The following STPG2 variants were observed in gnomAD, a reference collection of about 807,000 sequenced individuals.
STPG2 encodes the protein sperm-tail PG-rich repeat-containing protein 2.
Under a neutral mutation model 54.2 loss-of-function variants are expected in STPG2, and 56 were observed. The observed-to-expected ratio is 1.03, with a 90% CI of 0.83 to 1.29. STPG2 has a LOEUF of 1.29. STPG2 is among the 50% of genes most tolerant of loss of function. The pLI, the probability that STPG2 is intolerant of heterozygous loss-of-function variation, is 0.00. For synonymous variants in STPG2, 200 were observed against 181.8 expected (o/e 1.10, Z -0.81); for missense variants, 596 against 544.9 (o/e 1.09, Z -0.93).
intron 7 of STPG2, among the ~76,000 whole-genome samples, chr4:97,949,258 A>G (rs1233897464): frequency 6.6e-6 from 1 of 152,012 alleles, no homozygotes; most frequent in Admixed American, 6.6e-5. Context: ...TTGGGTTTCC[A>G]TTTGCATGGA....
chr4:97,921,795 G>T (rs533911337), intron 8 of STPG2, among the ~76,000 whole-genome samples: 1 of 152,010 alleles, frequency 6.6e-6, no homozygotes, highest in African/African-American at 2.4e-5. Context: ...GTTCATCAAC[G>T]GATAAAGAAA....
At chr4:97,618,736 T>A (rs1041640953) in intron 10 of STPG2, among the ~76,000 whole-genome samples, 3 of 152,190 alleles carry the variant, frequency 2.0e-5, no homozygotes, top group Non-Finnish European at 4.4e-5. Context: ...CTTGCTAGGT[T>A]CAATTTGAGG....
intron 4 of STPG2, among the ~76,000 whole-genome samples, chr4:97,454,294 A>C (rs1013625175): frequency 4.6e-5 from 7 of 151,446 alleles, no homozygotes; most frequent in Non-Finnish European, 1.0e-4. Flanking sequence ...CGGGTGGATC[A>C]TGAGGTCAGG....
At chr4:97,637,207 T>C (rs1027280868) in intron 10 of STPG2, among the ~76,000 whole-genome samples, 19 of 152,122 alleles carry the variant, frequency 1.2e-4, no homozygotes, top group Admixed American at 4.6e-4. Context: ...TCAATAAATG[T>C]AATCCAGCAT....
chr4:98,092,925 T>G (rs17550735), intron 5 of STPG2, among the ~76,000 whole-genome samples: 60,091 of 151,892 alleles, frequency 0.4, 12,129 homozygotes, highest in Middle Eastern at 0.47. Flanking sequence ...TCAAATGAAC[T>G]TCAAGGCAAA....
At chr4:97,455,965 C>G (rs1729506622) in intron 4 of STPG2, among the ~76,000 whole-genome samples, 1 of 152,158 alleles carries the variant, frequency 6.6e-6, no homozygotes, top group Non-Finnish European at 1.5e-5. Context: ...GCGAGGGGAA[C>G]AAGGGAATGT....
At chr4:97,585,386 C>T (rs1316395380) in intron 10 of STPG2, among the ~76,000 whole-genome samples, 3 of 151,910 alleles carry the variant, frequency 2.0e-5, no homozygotes, top group African/African-American at 7.2e-5. Context: ...TTCCCTCATC[C>T]AGTGAGAAAC....
intron 10 of STPG2, among the ~76,000 whole-genome samples, chr4:97,580,920 CT>C (rs1242442052): frequency 1.3e-5 from 2 of 151,948 alleles, no homozygotes; most frequent in Non-Finnish European, 2.9e-5. Flanking sequence ...ATATGCGTTC[CT>C]TTGCATTTTC....
At chr4:98,026,116 A>T (rs1736411167) in intron 5 of STPG2, 2 of 1,462,464 alleles carry the variant, frequency 1.4e-6, no homozygotes, top group Non-Finnish European at 1.9e-6. Flanking sequence ...ATGCTGCTAT[A>T]CGAGAGAATC....
At chr4:98,132,030 T>C (rs1217602953) in intron 2 of STPG2, among the ~76,000 whole-genome samples, 1 of 152,112 alleles carries the variant, frequency 6.6e-6, no homozygotes, top group Non-Finnish European at 1.5e-5. Context: ...CCTATTTGTC[T>C]ACCTCCCATA....
intron 5 of STPG2, among the ~76,000 whole-genome samples, chr4:98,079,904 AC>A (rs1183578678): frequency 1.2e-4 from 18 of 152,134 alleles, no homozygotes; most frequent in Admixed American, 1.2e-3. Context: ...ACTTAGAGAT[AC>A]CAATCTATGA....
At chr4:97,951,478 T>G (rs1387646318) in intron 7 of STPG2, among the ~76,000 whole-genome samples, 1 of 152,182 alleles carries the variant, frequency 6.6e-6, no homozygotes, top group Non-Finnish European at 1.5e-5. Context: ...AAATTATGTT[T>G]TATTTGACTG....
chr4:97,467,774 C>T (rs1729824090), intron 4 of STPG2, among the ~76,000 whole-genome samples: 1 of 151,056 alleles, frequency 6.6e-6, no homozygotes, highest in South Asian at 2.1e-4. Flanking sequence ...AGGAACACTA[C>T]CAGGTACTCT....
intron 8 of STPG2, among the ~76,000 whole-genome samples, chr4:97,928,239 C>T (rs556076951): frequency 5.9e-5 from 9 of 152,250 alleles, no homozygotes; most frequent in African/African-American, 1.9e-4. Context: ...AGGGCAAATG[C>T]CCTTACGGTG....
chr4:97,521,141 T>C (rs1339029963), intron 4 of STPG2, among the ~76,000 whole-genome samples: 1 of 152,056 alleles, frequency 6.6e-6, no homozygotes, highest in Non-Finnish European at 1.5e-5. Context: ...GAATAAAACA[T>C]ATCATTTCCT....
intron 6 of STPG2, among the ~76,000 whole-genome samples, chr4:97,973,290 T>C (rs1022479307): frequency 2.6e-5 from 4 of 152,102 alleles, no homozygotes; most frequent in African/African-American, 9.7e-5. Flanking sequence ...TGGTGGCATT[T>C]TGCCCCTGTC....
chr4:97,886,711 A>G (rs1560571719), intron 8 of STPG2, among the ~76,000 whole-genome samples: 1 of 152,172 alleles, frequency 6.6e-6, no homozygotes, highest in Non-Finnish European at 1.5e-5. Flanking sequence ...TCTCTTTCAT[A>G]TCAACTAATT....
At chr4:97,717,174 T>C (rs1724315553) in intron 9 of STPG2, among the ~76,000 whole-genome samples, 1 of 152,088 alleles carries the variant, frequency 6.6e-6, no homozygotes, top group Non-Finnish European at 1.5e-5. Context: ...AATTGAGCTA[T>C]AGGTAAGAGA....
chr4:97,794,458 G>A (rs1192256274), intron 9 of STPG2, among the ~76,000 whole-genome samples: 1 of 152,032 alleles, frequency 6.6e-6, no homozygotes, highest in Non-Finnish European at 1.5e-5. Flanking sequence ...CAATTAGAGT[G>A]CAATGCCAAG....
Sources: allele counts gnomAD v4.1 joint callset (sites outside exome capture counted in the v4.1 genomes callset), GRCh38; gene constraint gnomAD v4.1.1; transcripts MANE v1.5; gene names NCBI Gene and HGNC (gene_info 2026-07-23, HGNC 2026-07-21).